Variants in USP47 observed in about 807,000 individuals in gnomAD.
USP47 encodes ubiquitin carboxyl-terminal hydrolase 47.
USP47 carries 35 observed loss-of-function variants against 165.1 expected under a neutral mutation model. The ratio of observed to expected loss-of-function variants is 0.21; its 90% CI spans 0.16 to 0.28. The LOEUF (loss-of-function observed/expected upper bound fraction) is 0.28, where lower values mean the gene tolerates loss of function less well. Ranked by LOEUF, USP47 falls within the 10% of genes least tolerant of loss-of-function variation. The probability of loss-of-function intolerance (pLI) is 1.00; values close to 1 mark genes in which losing one functional copy is unlikely to be tolerated. For missense variants in USP47, 1,277 were observed against 1,607.4 expected (o/e 0.79, Z 3.52); for synonymous variants, 531 against 544.5 (o/e 0.98, Z 0.35).
chr11:11,904,191 T>G (rs1852400799), intron 7 of USP47, among the ~76,000 whole-genome samples: 1 of 152,180 alleles, frequency 6.6e-6, no homozygotes, highest in Non-Finnish European at 1.5e-5. Context: ...TATTTTCTTA[T>G]GGTGATTTGC....
rs182664011 is a variant in USP47 at position 11,948,685 on chromosome 11, A to G, written c.3348+127A>G. On this transcript the variant is annotated intron_variant, in intron 22 of 27. Coordinates refer to ENST00000527733, the MANE Select transcript of USP47 (RefSeq NM_001282659.2). ...TCAGCAAATTTTTTCTGGGCCTTGC[A>G]GTTTAGCAGGCCATACTGCCTCTGT... 32 of 747,426 alleles carry G rather than the reference A, an allele frequency of 4.3e-5. No individual in the cohort carries two copies. The Admixed American group carries it at 7.6e-4, about 18-fold the overall frequency. The allele number at this position is 747,426 out of a possible 1,614,324, so 46.3% of individuals were successfully genotyped here.
At chr11:11,921,852 A>C (rs1012645273) in intron 10 of USP47, among the ~76,000 whole-genome samples, 3 of 151,902 alleles carry the variant, frequency 2.0e-5, no homozygotes, top group Non-Finnish European at 4.4e-5. Flanking sequence ...CTTTGGACTT[A>C]GATCTATAGC....
At chr11:11,924,269 A>G (rs888388649) in intron 11 of USP47, among the ~76,000 whole-genome samples, 1 of 152,180 alleles carries the variant, frequency 6.6e-6, no homozygotes, top group African/African-American at 2.4e-5. Context: ...TGAATTACAT[A>G]GATTGATTTT....
chr11:11,877,844 TGTGTGTGTGTGTGTGC>T (rs770845760), intron 1 of USP47, among the ~76,000 whole-genome samples: 17,212 of 113,382 alleles, frequency 0.15, 1,426 homozygotes, highest in Middle Eastern at 0.38. Context: ...TGTGTGTGTG[TGTGTGTGTGTGTGTGC>T]GCGCGCGCAG....
At chr11:11,918,563 C>T (rs748407023) in intron 8 of USP47, among the ~76,000 whole-genome samples, 3 of 151,926 alleles carry the variant, frequency 2.0e-5, no homozygotes, top group Non-Finnish European at 4.4e-5. Flanking sequence ...TCTCAAATGG[C>T]TAAAACAAAG....
intron 4 of USP47, among the ~76,000 whole-genome samples, chr11:11,892,381 T>C (rs1435569990): frequency 2.9e-5 from 1 of 34,818 alleles, no homozygotes; most frequent in Non-Finnish European, 4.4e-5. Flanking sequence ...TTTAATTTTC[T>C]TTTTTTTTTT....
intron 1 of USP47, among the ~76,000 whole-genome samples, chr11:11,867,758 G>A (rs1041789803): frequency 2.0e-4 from 31 of 152,104 alleles, no homozygotes; most frequent in African/African-American, 7.5e-4. Flanking sequence ...AATAATTTTT[G>A]TGGAAATTAG....
At chr11:11,902,640 T>C in intron 5 of USP47, 75 bp from the exon 6 acceptor site, 1 of 1,078,636 alleles carries the variant, frequency 9.3e-7, no homozygotes, top group Non-Finnish European at 1.2e-6. Context: ...TACATTATTA[T>C]GATTTTGATA....
chr11:11,947,842 T>G, intron 20 of USP47, 103 bp from the exon 21 acceptor site: 1 of 1,233,388 alleles, frequency 8.1e-7, no homozygotes. Flanking sequence ...AGGGGTACTC[T>G]TTACTGCATA....
chr11:11,849,280 A>G (rs558768137), intron 1 of USP47, among the ~76,000 whole-genome samples: 1 of 152,252 alleles, frequency 6.6e-6, no homozygotes, highest in East Asian at 1.9e-4. Context: ...ATTTTTAACA[A>G]TTTTGCTTTG....
intron 3 of USP47, among the ~76,000 whole-genome samples, chr11:11,886,544 A>G (rs1189893863): frequency 4.6e-5 from 7 of 152,212 alleles, no homozygotes; most frequent in African/African-American, 1.4e-4. Context: ...AGAATAGAGA[A>G]AAAAGAATGA....
chr11:11,885,174 G>T (rs1165755592), intron 3 of USP47, among the ~76,000 whole-genome samples: 1 of 152,082 alleles, frequency 6.6e-6, no homozygotes, highest in Non-Finnish European at 1.5e-5. Flanking sequence ...TATTCCACCA[G>T]AGATTTTTTT....
Position 11,958,280 on chromosome 11 carries a change from T to C in USP47, c.*2105T>C, listed in dbSNP as rs962942642. The stretch of plus-strand genomic sequence containing the variant: ...CTCTGTTCTTTGTTTTATGTTTAAC[T>C]GCTGTTTCTAATTGCAGGTGTATTA... On this transcript the variant is annotated 3_prime_UTR_variant, in exon 28 of 28. Transcript: ENST00000527733. The C allele has an allele frequency of 1.3e-5, 2 of 152,260 alleles. No homozygotes were observed. Among genetic ancestry groups the C allele is most frequent in the African/African-American group, 4.8e-5 (2 of 41,470 alleles). 9.4% of individuals were successfully genotyped at this position (152,260 alleles called of 1,614,324 possible). A position where few individuals can be genotyped will look rare whatever the true frequency, so the allele number is the denominator to read the frequency against.
At chr11:11,908,310 AT>A (rs1238485727) in intron 8 of USP47, among the ~76,000 whole-genome samples, 1 of 150,778 alleles carries the variant, frequency 6.6e-6, no homozygotes, top group Non-Finnish European at 1.5e-5. Flanking sequence ...TTAAATATTT[AT>A]TTCTTTTTTT....
chr11:11,929,933 A>C, intron 12 of USP47, 111 bp from the exon 13 acceptor site: 1 of 869,530 alleles, frequency 1.2e-6, no homozygotes, highest in South Asian at 1.6e-5. Context: ...GTGAGCAATC[A>C]TGAAGGTCTT....
chr11:11,876,929 A>G (rs1564860350), intron 1 of USP47, among the ~76,000 whole-genome samples: 1 of 152,216 alleles, frequency 6.6e-6, no homozygotes, highest in Non-Finnish European at 1.5e-5. Flanking sequence ...AGAATGGCAA[A>G]GAATTTTTTG....
rs144687527 is a variant in USP47 at position 11,895,498 on chromosome 11, A to T, written c.497-2099A>T. On this transcript the variant is annotated intron_variant, in intron 4 of 27. Coordinates refer to ENST00000527733, the MANE Select transcript of USP47 (RefSeq NM_001282659.2). The stretch of plus-strand genomic sequence containing the variant: ...AGAAATTATTATAAATTTTGGCACC[A>T]TGTGTGAAATGTTCTTATTAGAAAA... 3.3e-5 allele frequency among the ~76,000 whole-genome samples: 5 copies of T among 152,336 alleles called. No individual in the cohort carries two copies. The East Asian group carries it at 9.6e-4, about 29-fold the overall frequency.
intron 11 of USP47, among the ~76,000 whole-genome samples, chr11:11,927,141 C>A (rs1229987612): frequency 1.3e-5 from 2 of 151,972 alleles, no homozygotes; most frequent in East Asian, 3.9e-4. Flanking sequence ...TTCTTGCTTG[C>A]ATGGTTTATA....
chr11:11,860,733 CAG>C (rs1849333539), intron 1 of USP47, among the ~76,000 whole-genome samples: 1 of 152,084 alleles, frequency 6.6e-6, no homozygotes, highest in Admixed American at 6.6e-5. Context: ...ATAAAGATAA[CAG>C]AAATAGTAAA....
Sources: allele counts gnomAD v4.1 joint callset (sites outside exome capture counted in the v4.1 genomes callset), GRCh38; gene constraint gnomAD v4.1.1; transcripts MANE v1.5; gene names NCBI Gene and HGNC (gene_info 2026-07-23, HGNC 2026-07-21).